Variants in SRPK2 observed in about 807,000 individuals in gnomAD.
The protein encoded by SRPK2 is SFRS protein kinase 2.
SRPK2 carries 21 observed loss-of-function variants against 90.8 expected under a neutral mutation model. The observed-to-expected ratio is 0.23, with a 90% CI of 0.16 to 0.33. The LOEUF (loss-of-function observed/expected upper bound fraction) is 0.33, where lower values mean the gene tolerates loss of function less well. Ranked by LOEUF, SRPK2 falls within the 10% of genes least tolerant of loss-of-function variation. SRPK2 has a pLI of 1.00. For missense variants in SRPK2, 620 were observed against 869.0 expected, an observed-to-expected ratio of 0.71 and a Z score of 3.60; for synonymous variants, 288 against 311.1, an observed-to-expected ratio of 0.93 and a Z score of 0.78.
At chr7:105,388,754 C>A (rs1393744506) in intron 1 of SRPK2, 37 bp downstream of exon 1, 4 of 1,540,952 alleles carry the variant, frequency 2.6e-6, no homozygotes, top group African/African-American at 1.4e-5. Context: ...CCGGGCTGGC[C>A]GCGTGGCGGG....
At chr7:105,196,880 T>C (rs552514910) in intron 3 of SRPK2, among the ~76,000 whole-genome samples, 1 of 152,114 alleles carries the variant, frequency 6.6e-6, no homozygotes, top group East Asian at 1.9e-4. Context: ...TGAAACCTCA[T>C]CTCTACTAAA....
chr7:105,284,399 A>G (rs1257714209), intron 2 of SRPK2, among the ~76,000 whole-genome samples: 1 of 152,252 alleles, frequency 6.6e-6, no homozygotes, highest in Non-Finnish European at 1.5e-5. Context: ...GGTACTGGTA[A>G]GAAATGAAGC....
At chr7:105,296,700 A>G (rs66912872) in intron 2 of SRPK2, among the ~76,000 whole-genome samples, 66,596 of 151,988 alleles carry the variant, frequency 0.44, 15,851 homozygotes, top group South Asian at 0.53. Flanking sequence ...ATCTGAGGAA[A>G]GCCTATGAGG....
intron 2 of SRPK2, among the ~76,000 whole-genome samples, chr7:105,366,948 A>G (rs1045968195): frequency 6.6e-6 from 1 of 152,180 alleles, no homozygotes; most frequent in Non-Finnish European, 1.5e-5. Flanking sequence ...CCTTCCTGGG[A>G]GCACTTCCAG....
At chr7:105,265,155 C>G (rs1804867258) in intron 2 of SRPK2, among the ~76,000 whole-genome samples, 1 of 152,102 alleles carries the variant, frequency 6.6e-6, no homozygotes, top group African/African-American at 2.4e-5. Context: ...GCACTCAGAA[C>G]TGGTATCTAG....
intron 13 of SRPK2, among the ~76,000 whole-genome samples, chr7:105,127,605 C>T (rs1346492746): frequency 2.0e-5 from 3 of 152,208 alleles, no homozygotes; most frequent in Non-Finnish European, 4.4e-5. Flanking sequence ...AAAAAAGACC[C>T]TCTTTGTCCC....
At chr7:105,285,686 G>A (rs959206854) in intron 2 of SRPK2, among the ~76,000 whole-genome samples, 2 of 152,048 alleles carry the variant, frequency 1.3e-5, no homozygotes, top group Non-Finnish European at 2.9e-5. Context: ...AAAGTATCTG[G>A]CACTTACTCC....
At chr7:105,283,335 T>C (rs1807592683) in intron 2 of SRPK2, among the ~76,000 whole-genome samples, 1 of 152,134 alleles carries the variant, frequency 6.6e-6, no homozygotes, top group Non-Finnish European at 1.5e-5. Context: ...ACACAAAAAC[T>C]TGTACACAAA....
Position 105,268,120 on chromosome 7 carries a change from C to T in SRPK2, c.72-64335G>A, listed in dbSNP as rs563466896. Among the ~76,000 whole-genome samples the T allele has an allele frequency of 2.4e-4, 37 of 152,298 alleles. 1 individual carries two copies. Among genetic ancestry groups the T allele is most frequent in the Admixed American group, 1.4e-3 (22 of 15,292 alleles). On this transcript the variant is annotated intron_variant, in intron 2 of 15. Transcript: ENST00000393651. ...AATTCTTTTTATAAGGCAAAACAGTCATTTTAATGAAATATCTCTTTTCAG... is the reference window on the plus strand; with the variant it reads ...AATTCTTTTTATAAGGCAAAACAGTTATTTTAATGAAATATCTCTTTTCAG...
chr7:105,242,013 T>G (rs1800877413), intron 2 of SRPK2, among the ~76,000 whole-genome samples: 1 of 152,176 alleles, frequency 6.6e-6, no homozygotes, highest in South Asian at 2.1e-4. Context: ...TCAGGTCAAA[T>G]TCAATACATA....
intron 2 of SRPK2, among the ~76,000 whole-genome samples, chr7:105,312,949 C>G (rs1038680574): frequency 6.6e-6 from 1 of 152,038 alleles, no homozygotes; most frequent in Non-Finnish European, 1.5e-5. Flanking sequence ...GAAAGTTTCT[C>G]TTTACAAAAT....
At chr7:105,397,967 A>G (rs1822377700) in intron 1 of SRPK2, among the ~76,000 whole-genome samples, 1 of 152,198 alleles carries the variant, frequency 6.6e-6, no homozygotes, top group Non-Finnish European at 1.5e-5. Context: ...GGAATTTTTA[A>G]GATAAATAAT....
chr7:105,366,156 T>A (rs1186797431), intron 2 of SRPK2, among the ~76,000 whole-genome samples: 1 of 151,924 alleles, frequency 6.6e-6, no homozygotes, highest in Admixed American at 6.6e-5. Flanking sequence ...CCCGGCCTAA[T>A]GATTTTCTTA....
chr7:105,126,349 GA>G lies in SRPK2; in HGVS notation c.1823-10del, dbSNP rs767133446. ...GATGTGGGCTATGTGGTCTATGGAG[GA>G]GAGAAAAAAAGGATATGGGAATGGG... On this transcript the variant is annotated splice_polypyrimidine_tract_variant and intron_variant, in intron 14 of 15. Coordinates refer to ENST00000393651, the MANE Select transcript of SRPK2 (RefSeq NM_182692.3). 4 of 1,606,142 alleles carry G rather than the reference GA, an allele frequency of 2.5e-6. No homozygotes were observed. In the African/African-American group the frequency reaches 5.4e-5, roughly 22 times the overall value.
upstream of SRPK2, chr7:105,389,139 G>C: frequency 2.0e-6 from 2 of 1,006,418 alleles, no homozygotes; most frequent in Non-Finnish European, 2.4e-6. Flanking sequence ...CCGCGGCCCG[G>C]GCCTCCGCCT....
intron 2 of SRPK2, among the ~76,000 whole-genome samples, chr7:105,309,516 A>G (rs538646099): frequency 3.9e-5 from 6 of 152,352 alleles, no homozygotes; most frequent in African/African-American, 1.2e-4. Flanking sequence ...TCTATCCTTA[A>G]TTAGCCATTC....
intron 2 of SRPK2, among the ~76,000 whole-genome samples, chr7:105,205,517 TCACACACACACACACACACACA>T (rs543121144): frequency 1.0e-4 from 10 of 95,888 alleles, no homozygotes; most frequent in African/African-American, 1.8e-4. Flanking sequence ...TCTCTCTCTC[TCACACACACACACACACACACA>T]CACACACACA....
intron 15 of SRPK2, among the ~76,000 whole-genome samples, chr7:105,122,395 CATCATTCATAATAGCCAAAAAGT>C (rs1242793409): frequency 6.6e-6 from 1 of 152,126 alleles, no homozygotes; most frequent in Non-Finnish European, 1.5e-5. Context: ...ATCATAGTAG[CATCATTCATAATAGCCAAAAAGT>C]GGGGGAAAAC....
intron 2 of SRPK2, among the ~76,000 whole-genome samples, chr7:105,374,679 T>C (rs1290826243): frequency 6.6e-6 from 1 of 152,136 alleles, no homozygotes; most frequent in Non-Finnish European, 1.5e-5. Context: ...ATCTCTGGCT[T>C]AATACAACCT....
Sources: gnomAD v4.1 joint callset for allele counts (sites outside exome capture counted in the v4.1 genomes callset) on GRCh38, gnomAD v4.1.1 for gene constraint, MANE v1.5 for transcripts, NCBI Gene and HGNC (gene_info 2026-07-23, HGNC 2026-07-21) for gene names.